Variants in PRIM2 observed in about 807,000 individuals in gnomAD.
The protein encoded by PRIM2 is DNA primase subunit 2.
PRIM2 carries 39 observed loss-of-function variants against 67.3 expected under a neutral mutation model. That is an observed-to-expected ratio of 0.58 (90% CI 0.45 to 0.76). PRIM2 has a LOEUF of 0.76. Among genes scored for constraint, PRIM2 ranks in the 30% least tolerant of loss-of-function variants. The probability of loss-of-function intolerance (pLI) is 0.00; values close to 1 mark genes in which losing one functional copy is unlikely to be tolerated. For missense variants in PRIM2, 398 were observed against 598.7 expected, an observed-to-expected ratio of 0.66 and a Z score of 3.50; for synonymous variants, 143 against 198.7, an observed-to-expected ratio of 0.72 and a Z score of 2.36.
the PRIM2 span, among the ~76,000 whole-genome samples, chr6:57,286,576 T>C: frequency 6.6e-6 from 1 of 152,170 alleles, no homozygotes; most frequent in South Asian, 2.1e-4. Context: ...AGAAACTGGA[T>C]CCATGCCTTA....
chr6:57,402,455 A>G (rs1042240277), intron 7 of PRIM2, among the ~76,000 whole-genome samples: 2 of 152,224 alleles, frequency 1.3e-5, no homozygotes, highest in Non-Finnish European at 2.9e-5. Context: ...AAAGGACTCA[A>G]TGACAAGGTG....
At chr6:57,291,734 AACG>A in the PRIM2 span, among the ~76,000 whole-genome samples, 5 of 152,220 alleles carry the variant, frequency 3.3e-5, no homozygotes, top group South Asian at 1.0e-3. Flanking sequence ...AAACAGAACC[AACG>A]ACAAAAACCA....
intron 5 of PRIM2, among the ~76,000 whole-genome samples, chr6:57,354,079 C>T (rs1768946218): frequency 6.6e-6 from 1 of 152,162 alleles, no homozygotes; most frequent in South Asian, 2.1e-4. Flanking sequence ...GGTTGACAAG[C>T]TACTTACCTT....
chr6:57,357,423 A>G (rs1769065921), intron 5 of PRIM2, among the ~76,000 whole-genome samples: 1 of 152,190 alleles, frequency 6.6e-6, no homozygotes, highest in African/African-American at 2.4e-5. Flanking sequence ...TGTAAACTCT[A>G]TGGACCAGCC....
chr6:57,391,565 T>A (rs9396286), intron 7 of PRIM2, among the ~76,000 whole-genome samples: 3 of 152,208 alleles, frequency 2.0e-5, no homozygotes, highest in Admixed American at 6.5e-5. Flanking sequence ...AAAGTCCAGC[T>A]TCAATCTTCT....
upstream of PRIM2, among the ~76,000 whole-genome samples, chr6:57,317,256 G>T (rs1020326926): frequency 6.6e-6 from 1 of 152,134 alleles, no homozygotes; most frequent in African/African-American, 2.4e-5. Context: ...TGAAAGTGAT[G>T]AGTGCCAGCC....
intron 5 of PRIM2, among the ~76,000 whole-genome samples, chr6:57,351,527 A>G (rs1768856107): frequency 6.6e-6 from 1 of 152,338 alleles, no homozygotes; most frequent in African/African-American, 2.4e-5. Flanking sequence ...CAGATGTGGT[A>G]GACATTATGG....
chr6:57,248,318 A>G, the PRIM2 span, among the ~76,000 whole-genome samples: 1 of 152,310 alleles, frequency 6.6e-6, no homozygotes, highest in East Asian at 1.9e-4. Flanking sequence ...CTATTAACTT[A>G]CCTAATTGTC....
At position 57,623,001 on chromosome 6, in the gene PRIM2, A is replaced by G. The variant is rs1484774150; in HGVS notation, c.1231-9132A>G. Among the ~76,000 whole-genome samples the G allele has an allele frequency of 3.9e-5, 6 of 152,326 alleles. No homozygotes were observed. The East Asian group carries it at 1.2e-3, about 29-fold the overall frequency. On this transcript the variant is annotated intron_variant, in intron 12 of 13. Transcript: ENST00000615550. ...TGATTTTCTTAGGTAAGGGGGACTTACCAGTGGATGATAGTATTCTGTCTG... is the reference window on the plus strand; with the variant it reads ...TGATTTTCTTAGGTAAGGGGGACTTGCCAGTGGATGATAGTATTCTGTCTG...
intron 7 of PRIM2, among the ~76,000 whole-genome samples, chr6:57,500,129 G>A (rs1774100967): frequency 6.6e-6 from 1 of 152,084 alleles, no homozygotes; most frequent in African/African-American, 2.4e-5. Context: ...CTGATAGTCA[G>A]TTCTGTGGAG....
intron 7 of PRIM2, among the ~76,000 whole-genome samples, chr6:57,429,863 G>A (rs578256147): frequency 6.6e-6 from 1 of 152,242 alleles, no homozygotes; most frequent in Admixed American, 6.5e-5. Context: ...ATTTTAATAG[G>A]CATATCTAAT....
At chr6:57,622,584 T>A (rs1180873835) in intron 12 of PRIM2, among the ~76,000 whole-genome samples, 1 of 152,240 alleles carries the variant, frequency 6.6e-6, no homozygotes, top group Non-Finnish European at 1.5e-5. Context: ...CTAATGTTTT[T>A]AAAACTCTTT....
At chr6:57,460,825 T>G (rs1442218592) in intron 7 of PRIM2, among the ~76,000 whole-genome samples, 9 of 152,272 alleles carry the variant, frequency 5.9e-5, no homozygotes, top group Non-Finnish European at 1.0e-4. Flanking sequence ...AGATCAATTT[T>G]ATGAAGCCTG....
chr6:57,279,812 G>A, the PRIM2 span, among the ~76,000 whole-genome samples: 2 of 152,158 alleles, frequency 1.3e-5, no homozygotes, highest in African/African-American at 2.4e-5. Flanking sequence ...GCCAAAGTAT[G>A]GTACTATGGT....
intron 10 of PRIM2, among the ~76,000 whole-genome samples, chr6:57,554,147 C>T (rs1775461699): frequency 2.7e-5 from 4 of 150,574 alleles, no homozygotes; most frequent in Admixed American, 1.3e-4. Flanking sequence ...CATTTAATCT[C>T]TGTTTACAAC....
the PRIM2 span, among the ~76,000 whole-genome samples, chr6:57,236,600 G>A: frequency 1.6e-4 from 25 of 151,836 alleles, no homozygotes; most frequent in East Asian, 4.1e-3. Context: ...GGTGTGTGAT[G>A]TTCCCCTTCC....
In PRIM2 at chr6:57,423,279, A is replaced by G. The variant is rs116141377; in HGVS notation, c.693+41111A>G. 4.9e-3 allele frequency among the ~76,000 whole-genome samples: 742 copies of G among 152,300 alleles called. 6 individuals are homozygous for G. Among genetic ancestry groups the G allele is most frequent in the African/African-American group, 0.017 (704 of 41,562 alleles). On this transcript the variant is annotated intron_variant, in intron 7 of 13. Transcript: ENST00000615550. ...TTCATAGACGTTTGCATGCTTTCACATAGTTCCTTTAATTTTCCATTATTC... is the reference window on the plus strand; with the variant it reads ...TTCATAGACGTTTGCATGCTTTCACGTAGTTCCTTTAATTTTCCATTATTC...
At chr6:57,231,945 A>G in the PRIM2 span, among the ~76,000 whole-genome samples, 2 of 152,222 alleles carry the variant, frequency 1.3e-5, no homozygotes, top group Admixed American at 1.3e-4. Context: ...AAAGCATTCA[A>G]TGCTTTTCTT....
At chr6:57,293,401 G>T in the PRIM2 span, among the ~76,000 whole-genome samples, 1 of 152,178 alleles carries the variant, frequency 6.6e-6, no homozygotes, top group South Asian at 2.1e-4. Flanking sequence ...GTGTAAATTA[G>T]TTCAACCATT....
Sources: allele counts gnomAD v4.1 joint callset (sites outside exome capture counted in the v4.1 genomes callset), GRCh38; gene constraint gnomAD v4.1.1; transcripts MANE v1.5; gene names NCBI Gene and HGNC (gene_info 2026-07-23, HGNC 2026-07-21).